KCNMA1: variants seen among roughly 807,000 people sequenced by gnomAD.
The protein encoded by KCNMA1 is Calcium-activated potassium channel subunit alpha-1.
Under a neutral mutation model 140.0 loss-of-function variants are expected in KCNMA1, and 29 were observed. The observed-to-expected ratio is 0.21, with a 90% CI of 0.15 to 0.28. The LOEUF (loss-of-function observed/expected upper bound fraction) is 0.28, where lower values mean the gene tolerates loss of function less well. Among genes scored for constraint, KCNMA1 ranks in the 10% least tolerant of loss-of-function variants. The pLI is 1.00. For synonymous variants in KCNMA1, 612 were observed against 611.9 expected (o/e 1.00, Z 0.00); for missense variants, 880 against 1,602.2 (o/e 0.55, Z 7.70).
Position 77,145,696 on chromosome 10 carries a change from G to A in KCNMA1, c.809-24648C>T, listed in dbSNP as rs78618856. Among the ~76,000 whole-genome samples, 348 of 152,296 alleles carry A rather than the reference G, an allele frequency of 2.3e-3. 1 individual carries two copies. Among genetic ancestry groups the A allele is most frequent in the Admixed American group, 4.9e-3 (75 of 15,304 alleles). On this transcript the variant is annotated intron_variant, in intron 5 of 27. Coordinates refer to ENST00000286628, the MANE Select transcript of KCNMA1 (RefSeq NM_001161352.2). The stretch of plus-strand genomic sequence containing the variant: ...TATTGACCAAGAAATGAACTCAGAC[G>A]AAATTGACCTCTTCAGTGAAGTCAT...
At chr10:77,570,592 T>G (rs865999630) in intron 1 of KCNMA1, among the ~76,000 whole-genome samples, 28 of 6,762 alleles carry the variant, frequency 4.1e-3, no homozygotes, top group African/African-American at 5.6e-3. Context: ...TGTTGTGGGG[T>G]AGGGGGAGGG....
At chr10:77,556,899 T>G (rs918762510) in intron 1 of KCNMA1, among the ~76,000 whole-genome samples, 1 of 152,214 alleles carries the variant, frequency 6.6e-6, no homozygotes, top group African/African-American at 2.4e-5. Flanking sequence ...CAAACTGCAA[T>G]GCCTCAAACC....
rs1193577335 is a variant in KCNMA1, at chr10:77,082,002, CTTTTCTTTTTTTT to C, written c.1524-2465_1524-2453del. On this transcript the variant is annotated intron_variant, in intron 12 of 27. Coordinates refer to ENST00000286628, the MANE Select transcript of KCNMA1 (RefSeq NM_001161352.2). The stretch of plus-strand genomic sequence containing the variant: ...CCTTTGACCAGTAATTTCTTTTTTT[CTTTTCTTTTTTTT>C]TTTTTTTTTTTTTTTTTTTTTTTTT... Among the ~76,000 whole-genome samples the C allele has an allele frequency of 2.7e-3, 140 of 51,682 alleles. 1 individual carries two copies. The highest frequency in any genetic ancestry group is 4.2e-3 in the Non-Finnish European group (92 of 21,708). The allele number at this position is 51,682 out of a possible 152,430, so 33.9% of individuals were successfully genotyped here.
chr10:76,949,450 G>T (rs1480159649), intron 21 of KCNMA1, 84 bp from the exon 22 acceptor site: 2 of 1,126,106 alleles, frequency 1.8e-6, no homozygotes, highest in Admixed American at 2.0e-5. Context: ...TTTGTGCAAA[G>T]AATCAAGCAA....
intron 1 of KCNMA1, among the ~76,000 whole-genome samples, chr10:77,581,979 A>G (rs578152702): frequency 2.0e-5 from 3 of 152,342 alleles, no homozygotes; most frequent in South Asian, 2.1e-4. Flanking sequence ...CTGGCCATAG[A>G]GTAAAACCTC....
At chr10:77,236,885 T>C (rs150969436) in intron 3 of KCNMA1, among the ~76,000 whole-genome samples, 112 of 152,362 alleles carry the variant, frequency 7.4e-4, no homozygotes, top group Admixed American at 1.8e-3. Flanking sequence ...CCTCAAGCCA[T>C]ACTCTTGACT....
chr10:77,197,946 G>T (rs1291971644), intron 3 of KCNMA1, among the ~76,000 whole-genome samples: 1 of 152,176 alleles, frequency 6.6e-6, no homozygotes, highest in Non-Finnish European at 1.5e-5. Flanking sequence ...GCGAGAAGAG[G>T]CAGCTTTGGG....
chr10:77,068,606 A>T (rs1274717895), intron 14 of KCNMA1, among the ~76,000 whole-genome samples: 3 of 151,936 alleles, frequency 2.0e-5, no homozygotes, highest in Non-Finnish European at 4.4e-5. Flanking sequence ...AAAAAAAAAC[A>T]ACACTAGAAA....
At chr10:77,618,617 T>A (rs151059973) in intron 1 of KCNMA1, among the ~76,000 whole-genome samples, 123 of 152,188 alleles carry the variant, frequency 8.1e-4, no homozygotes, top group Non-Finnish European at 1.3e-3. Flanking sequence ...AAGAGCATGG[T>A]CTCAAAGGCC....
At chr10:77,382,244 A>C (rs2095415243) in intron 2 of KCNMA1, among the ~76,000 whole-genome samples, 1 of 152,184 alleles carries the variant, frequency 6.6e-6, no homozygotes, top group African/African-American at 2.4e-5. Context: ...AGCAGCCACC[A>C]GTCCCCCTGC....
chr10:77,176,125 A>G (rs931347636), intron 5 of KCNMA1, among the ~76,000 whole-genome samples: 2 of 152,256 alleles, frequency 1.3e-5, no homozygotes, highest in Admixed American at 1.3e-4. Flanking sequence ...GAAGCAGAGG[A>G]ACAGAGAGAT....
intron 3 of KCNMA1, among the ~76,000 whole-genome samples, chr10:77,221,237 A>G (rs1485099636): frequency 6.6e-6 from 1 of 152,134 alleles, no homozygotes; most frequent in African/African-American, 2.4e-5. Context: ...TGAAGAGCCA[A>G]AAGGAAATTT....
intron 1 of KCNMA1, among the ~76,000 whole-genome samples, chr10:77,439,155 A>AAG (rs1275094660): frequency 7.3e-6 from 1 of 136,520 alleles, no homozygotes; most frequent in Non-Finnish European, 1.6e-5. Flanking sequence ...GAGAAAAGAG[A>AAG]AGAGAAGAAA....
At chr10:77,146,097 T>C (rs2098283146) in intron 5 of KCNMA1, among the ~76,000 whole-genome samples, 1 of 152,224 alleles carries the variant, frequency 6.6e-6, no homozygotes, top group African/African-American at 2.4e-5. Flanking sequence ...GCTCTAAATC[T>C]ATCCTCAAAA....
At chr10:77,482,986 TCACATACACACACACACACACACA>T (rs2098416527) in intron 1 of KCNMA1, among the ~76,000 whole-genome samples, 2 of 75,418 alleles carry the variant, frequency 2.7e-5, no homozygotes, top group African/African-American at 1.3e-4. Flanking sequence ...TCTCTCTCTC[TCACATACACACACACACACACACA>T]CACACACACA....
chr10:77,450,819 C>T (rs544095577), intron 1 of KCNMA1, among the ~76,000 whole-genome samples: 1 of 152,308 alleles, frequency 6.6e-6, no homozygotes, highest in East Asian at 1.9e-4. Flanking sequence ...ACTCAAATCT[C>T]CTCTTGAATT....
chr10:77,276,902 G>T (rs913445836), intron 2 of KCNMA1, among the ~76,000 whole-genome samples: 4 of 151,974 alleles, frequency 2.6e-5, no homozygotes, highest in African/African-American at 4.8e-5. Context: ...AAAAAATTTA[G>T]AAGATAGTTC....
At chr10:77,524,133 A>G (rs1162347436) in intron 1 of KCNMA1, among the ~76,000 whole-genome samples, 1 of 152,234 alleles carries the variant, frequency 6.6e-6, no homozygotes, top group African/African-American at 2.4e-5. Context: ...ATAAATGACT[A>G]AACAATATTT....
At chr10:77,207,788 G>A (rs530413161) in intron 3 of KCNMA1, among the ~76,000 whole-genome samples, 9 of 152,108 alleles carry the variant, frequency 5.9e-5, no homozygotes, top group East Asian at 3.9e-4. Context: ...CCAAAATTGC[G>A]TGCATACCAT....
Sources: gnomAD v4.1 joint callset for allele counts (sites outside exome capture counted in the v4.1 genomes callset) on GRCh38, gnomAD v4.1.1 for gene constraint, MANE v1.5 for transcripts, NCBI Gene and HGNC (gene_info 2026-07-23, HGNC 2026-07-21) for gene names.